The following MAPRE2 variants were observed in gnomAD, a reference collection of about 807,000 sequenced individuals.
MAPRE2 encodes microtubule associated protein RP/EB family member 2, also known as microtubule-associated protein RP/EB family member 2.
Under a neutral mutation model 43.2 loss-of-function variants are expected in MAPRE2, and 13 were observed. That is an observed-to-expected ratio of 0.30 (90% CI 0.20 to 0.48). The LOEUF (loss-of-function observed/expected upper bound fraction) is 0.48. MAPRE2 is among the 20% of genes least tolerant of loss of function. The pLI is 0.99. For missense variants in MAPRE2, 161 were observed against 400.2 expected (o/e 0.40, Z 5.10); for synonymous variants, 135 against 148.8 (o/e 0.91, Z 0.68).
chr18:35,074,023 T>C (rs1464795076), intron 2 of MAPRE2, among the ~76,000 whole-genome samples: 1 of 152,244 alleles, frequency 6.6e-6, no homozygotes, highest in Non-Finnish European at 1.5e-5. Flanking sequence ...CTGGTTTTCA[T>C]TTATTTCTTG....
intron 1 of MAPRE2, among the ~76,000 whole-genome samples, chr18:35,048,774 T>C (rs1905783837): frequency 6.7e-6 from 1 of 150,148 alleles, no homozygotes; most frequent in Non-Finnish European, 1.5e-5. Flanking sequence ...ATATATAGTA[T>C]GTGTTAATAC....
intron 2 of MAPRE2, among the ~76,000 whole-genome samples, chr18:35,096,143 C>A (rs1225093872): frequency 2.0e-5 from 3 of 152,020 alleles, no homozygotes; most frequent in African/African-American, 7.2e-5. Context: ...AGAGACAGAG[C>A]AGTTCTTGCT....
chr18:35,133,458 G>A (rs181952799), intron 6 of MAPRE2, among the ~76,000 whole-genome samples: 15 of 152,106 alleles, frequency 9.9e-5, no homozygotes, highest in South Asian at 2.1e-4. Context: ...CATATATGAC[G>A]TCCTGTGTGT....
At chr18:35,040,536 A>G (rs12955581), upstream of MAPRE2, among the ~76,000 whole-genome samples, 3,737 of 152,382 alleles carry the variant, frequency 0.025, 67 homozygotes, top group South Asian at 0.065. Context: ...TAATAATAGT[A>G]TCTGTCACAT....
At position 35,127,168 on chromosome 18, in the gene MAPRE2, G is replaced by A; in HGVS notation, c.750+81G>A. The A allele has an allele frequency of 4.9e-6, 7 of 1,425,822 alleles. No individual in the cohort carries two copies. In the Middle Eastern group the frequency reaches 1.1e-3, roughly 223 times the overall value. The allele number at this position is 1,425,822 out of a possible 1,614,324, so 88.3% of individuals were successfully genotyped here. A position where few individuals can be genotyped will look rare whatever the true frequency, so the allele number is the denominator to read the frequency against. ...GGGGCCTAGGATCCCCTAGGACTGG[G>A]GTAAGGGAGGGAAGGGTAAGGAAGA... On this transcript the variant is annotated intron_variant, in intron 5 of 6. Coordinates refer to ENST00000300249, the MANE Select transcript of MAPRE2 (RefSeq NM_014268.4).
intron 1 of MAPRE2, among the ~76,000 whole-genome samples, chr18:35,004,886 C>A (rs1171616899): frequency 6.6e-6 from 1 of 151,054 alleles, no homozygotes; most frequent in Non-Finnish European, 1.5e-5. Flanking sequence ...CCACTGCACT[C>A]CAGCCTGGGC....
intron 6 of MAPRE2, 114 bp from the exon 7 acceptor site, chr18:35,140,181 C>T (rs1239831619): frequency 3.4e-6 from 3 of 889,922 alleles, no homozygotes; most frequent in Non-Finnish European, 3.5e-6. Flanking sequence ...CCTAACTAAG[C>T]CTGGTGCCCT....
At chr18:34,984,521 A>T (rs2097018015) in intron 1 of MAPRE2, 1 of 151,754 alleles carries the variant, frequency 6.6e-6, no homozygotes, top group South Asian at 2.1e-4. Flanking sequence ...TAAAAGCAAA[A>T]ACTTGTAATT....
intron 2 of MAPRE2, among the ~76,000 whole-genome samples, chr18:35,085,012 C>T (rs1439226765): frequency 6.6e-6 from 1 of 152,052 alleles, no homozygotes; most frequent in Admixed American, 6.6e-5. Context: ...GTGAAGGATG[C>T]CTATGAAAAC....
intron 2 of MAPRE2, among the ~76,000 whole-genome samples, chr18:35,093,961 T>C (rs1603400348): frequency 1.3e-5 from 2 of 152,210 alleles, no homozygotes; most frequent in East Asian, 3.8e-4. Flanking sequence ...CCCTGACTTA[T>C]ATTGACCTTT....
chr18:35,107,183 T>C (rs1908950265), intron 4 of MAPRE2, among the ~76,000 whole-genome samples: 2 of 152,184 alleles, frequency 1.3e-5, no homozygotes, highest in African/African-American at 2.4e-5. Flanking sequence ...TGTTTTAGCC[T>C]TAAAATCAGA....
At chr18:35,054,022 C>T (rs1906089868) in intron 1 of MAPRE2, among the ~76,000 whole-genome samples, 1 of 152,104 alleles carries the variant, frequency 6.6e-6, no homozygotes, top group Non-Finnish European at 1.5e-5. Context: ...CAAAATTTTG[C>T]CAAGAATAGC....
chr18:34,998,419 C>A (rs1049248050), intron 1 of MAPRE2, among the ~76,000 whole-genome samples: 6 of 151,168 alleles, frequency 4.0e-5, no homozygotes, highest in African/African-American at 1.5e-4. Flanking sequence ...CTCTGCCTCC[C>A]AGGTTCATGC....
chr18:35,096,473 G>A (rs796856151), intron 2 of MAPRE2, among the ~76,000 whole-genome samples: 3 of 152,266 alleles, frequency 2.0e-5, no homozygotes, highest in African/African-American at 7.2e-5. Flanking sequence ...CCCAGTTGTA[G>A]TGGTCATGTT....
intron 5 of MAPRE2, chr18:35,127,338 G>T: frequency 2.4e-6 from 1 of 419,534 alleles, no homozygotes; most frequent in East Asian, 4.5e-5. Flanking sequence ...CAGACTTCAG[G>T]CTACCTTCCC....
At chr18:35,041,935 G>A (rs1905390755) in intron 1 of MAPRE2, among the ~76,000 whole-genome samples, 1 of 152,180 alleles carries the variant, frequency 6.6e-6, no homozygotes, top group Admixed American at 6.5e-5. Context: ...AAAAATGCAT[G>A]CTGTTTTCCC....
intron 6 of MAPRE2, among the ~76,000 whole-genome samples, chr18:35,136,358 G>A (rs997056106): frequency 3.3e-5 from 5 of 152,150 alleles, no homozygotes; most frequent in Non-Finnish European, 1.5e-5. Flanking sequence ...ACTGGACTAA[G>A]TGCTGGCTAT....
intron 1 of MAPRE2, among the ~76,000 whole-genome samples, chr18:34,986,877 T>C (rs1276999822): frequency 6.6e-6 from 1 of 150,436 alleles, no homozygotes; most frequent in Non-Finnish European, 1.5e-5. Context: ...TTTTCTGTTA[T>C]TTGGTTTTTA....
At chr18:34,990,951 T>A (rs2097023439) in intron 1 of MAPRE2, among the ~76,000 whole-genome samples, 1 of 152,230 alleles carries the variant, frequency 6.6e-6, no homozygotes, top group Non-Finnish European at 1.5e-5. Flanking sequence ...GTGGAAGGAA[T>A]GTTTTGTGAA....
Sources: gnomAD v4.1 joint callset for allele counts (sites outside exome capture counted in the v4.1 genomes callset) on GRCh38, gnomAD v4.1.1 for gene constraint, MANE v1.5 for transcripts, NCBI Gene and HGNC (gene_info 2026-07-23, HGNC 2026-07-21) for gene names.